MAPK8: variants seen among roughly 807,000 people sequenced by gnomAD.
MAPK8 encodes mitogen-activated protein kinase 8.
Under a neutral mutation model 52.9 loss-of-function variants are expected in MAPK8, and 13 were observed. The observed-to-expected ratio is 0.25, with a 90% CI of 0.16 to 0.39. The LOEUF (loss-of-function observed/expected upper bound fraction) is 0.39. Among genes scored for constraint, MAPK8 ranks in the 10% least tolerant of loss-of-function variants. The pLI is 1.00. For synonymous variants in MAPK8, 191 were observed against 169.8 expected (o/e 1.12, Z -0.97); for missense variants, 300 against 519.2 (o/e 0.58, Z 4.10).
chr10:48,400,991 C>T (rs2042131883), intron 1 of MAPK8, among the ~76,000 whole-genome samples: 1 of 152,116 alleles, frequency 6.6e-6, no homozygotes, highest in African/African-American at 2.4e-5. Context: ...TCTCTCTCTC[C>T]TTTCTGTTTT....
Position 48,409,874 on chromosome 10 carries a change from TATAG to T in MAPK8, c.253-1_255del. 1 of 1,596,618 alleles carries T rather than the reference TATAG, an allele frequency of 6.3e-7. No homozygotes were observed. Among genetic ancestry groups the T allele is most frequent in the Non-Finnish European group, 8.6e-7 (1 of 1,166,780 alleles). On this transcript the variant is annotated splice_acceptor_variant and splice_polypyrimidine_tract_variant and intron_variant, in intron 3 of 11. Coordinates refer to ENST00000374189, the MANE Select transcript of MAPK8 (RefSeq NM_001323329.2). LOFTEE classifies it high-confidence loss of function. The stretch of plus-strand genomic sequence containing the variant: ...AATTTTTCTGTCTCTCGACTTTTAT[TATAG>T]ATAATTGGCCTTTTGAATGTTTTCA...
chr10:48,345,781 G>C (rs1009292870), intron 1 of MAPK8, among the ~76,000 whole-genome samples: 2 of 152,152 alleles, frequency 1.3e-5, no homozygotes, highest in Non-Finnish European at 2.9e-5. Context: ...ATTTCAGAAT[G>C]GTGCAGAAAA....
At chr10:48,311,363 T>G (rs1276392589) in intron 1 of MAPK8, among the ~76,000 whole-genome samples, 5 of 152,208 alleles carry the variant, frequency 3.3e-5, no homozygotes, top group Admixed American at 2.0e-4. Context: ...TAATCTGAAT[T>G]GACTGAGATG....
At chr10:48,408,749 G>GTA (rs1564596432) in intron 3 of MAPK8, among the ~76,000 whole-genome samples, 1 of 152,156 alleles carries the variant, frequency 6.6e-6, no homozygotes, top group Non-Finnish European at 1.5e-5. Flanking sequence ...ACAAAATACT[G>GTA]TACACTGGGT....
At chr10:48,333,984 C>T (rs1019132057) in intron 1 of MAPK8, among the ~76,000 whole-genome samples, 1 of 151,886 alleles carries the variant, frequency 6.6e-6, no homozygotes, top group Non-Finnish European at 1.5e-5. Flanking sequence ...TGGATGGCTC[C>T]ACCCACCACC....
chr10:48,344,571 A>T lies in MAPK8; in HGVS notation c.-50+37750A>T, dbSNP rs573251010. Among the ~76,000 whole-genome samples the T allele has an allele frequency of 7.9e-5, 12 of 152,336 alleles. No individual in the cohort carries two copies. In the South Asian group the frequency reaches 8.3e-4, roughly 11 times the overall value. ...ACTGGCAGACTGTTTTCTTACCAGG[A>T]TCTCATTGTTGATATACTGCCTAGC... is the stretch of plus-strand genomic sequence containing the variant. On this transcript the variant is annotated intron_variant, in intron 1 of 11. Coordinates refer to ENST00000374189, the MANE Select transcript of MAPK8 (RefSeq NM_001323329.2).
rs1043811797 is a variant in MAPK8 at position 48,397,295 on chromosome 10, T to C, written c.-49-4317T>C. Among the ~76,000 whole-genome samples, 3 of 152,004 alleles carry C rather than the reference T, an allele frequency of 2.0e-5. No homozygotes were observed. In the East Asian group the frequency reaches 5.8e-4, roughly 29 times the overall value. ...TCCCAAATAGCTAGGACTATAGATG[T>C]GCACTACTACTGTGGCAGATTTTTT... is the stretch of plus-strand genomic sequence containing the variant. On this transcript the variant is annotated intron_variant, in intron 1 of 11. Transcript: ENST00000374189.
chr10:48,312,021 C>G (rs920640941), intron 1 of MAPK8, among the ~76,000 whole-genome samples: 1 of 152,160 alleles, frequency 6.6e-6, no homozygotes, highest in African/African-American at 2.4e-5. Flanking sequence ...ACATTTATGT[C>G]CTAACACAAG....
At chr10:48,367,862 G>A (rs1266221411) in intron 1 of MAPK8, among the ~76,000 whole-genome samples, 1 of 152,192 alleles carries the variant, frequency 6.6e-6, no homozygotes, top group Non-Finnish European at 1.5e-5. Context: ...AGGGGACAGA[G>A]GCATCAAGGC....
chr10:48,403,788 G>A (rs1178612992), intron 2 of MAPK8, among the ~76,000 whole-genome samples: 10 of 150,562 alleles, frequency 6.6e-5, no homozygotes, highest in South Asian at 2.1e-4. Context: ...TCACTCTGTC[G>A]CCCAGGCTAG....
At chr10:48,380,681 C>T (rs1393277626) in intron 1 of MAPK8, among the ~76,000 whole-genome samples, 1 of 152,174 alleles carries the variant, frequency 6.6e-6, no homozygotes, top group East Asian at 1.9e-4. Flanking sequence ...TGCAGTGAGC[C>T]AAGATCACGC....
chr10:48,372,432 A>G lies in MAPK8; in HGVS notation c.-49-29180A>G, dbSNP rs564690347. ...GGGTACTAACAAACTCCTCCAAGCT[A>G]AAGGAGCATATTCTAACCCAATGTA... is the stretch of plus-strand genomic sequence containing the variant. On this transcript the variant is annotated intron_variant, in intron 1 of 11. Coordinates refer to ENST00000374189, the MANE Select transcript of MAPK8 (RefSeq NM_001323329.2). Among the ~76,000 whole-genome samples, 233 of 152,226 alleles carry G rather than the reference A, an allele frequency of 1.5e-3. 1 individual carries two copies. The highest frequency in any genetic ancestry group is 5.4e-3 in the African/African-American group (224 of 41,544).
chr10:48,348,392 T>C (rs1485275401), intron 1 of MAPK8, among the ~76,000 whole-genome samples: 1 of 152,236 alleles, frequency 6.6e-6, no homozygotes, highest in African/African-American at 2.4e-5. Flanking sequence ...TTTAGTTTAA[T>C]TAGATCCCAT....
intron 1 of MAPK8, among the ~76,000 whole-genome samples, chr10:48,385,825 G>T (rs1331196813): frequency 6.6e-6 from 1 of 151,964 alleles, no homozygotes; most frequent in Non-Finnish European, 1.5e-5. Context: ...GCCCCATCTT[G>T]CTGAGCTTTT....
intron 1 of MAPK8, among the ~76,000 whole-genome samples, chr10:48,320,164 C>T (rs982363110): frequency 3.4e-5 from 5 of 145,060 alleles, no homozygotes; most frequent in African/African-American, 5.1e-5. Context: ...GATCCCCCAC[C>T]TTGGCCTCCC....
chr10:48,397,976 G>T (rs550304027), intron 1 of MAPK8, among the ~76,000 whole-genome samples: 1 of 152,084 alleles, frequency 6.6e-6, no homozygotes, highest in Non-Finnish European at 1.5e-5. Flanking sequence ...CACACACAGG[G>T]CATGTAAAAA....
At chr10:48,339,757 CCTT>C (rs1845055450) in intron 1 of MAPK8, among the ~76,000 whole-genome samples, 2 of 152,058 alleles carry the variant, frequency 1.3e-5, no homozygotes, top group Admixed American at 6.5e-5. Flanking sequence ...CATGAACAGA[CCTT>C]CTCAAAAGAA....
chr10:48,380,706 A>G (rs2040948626), intron 1 of MAPK8, among the ~76,000 whole-genome samples: 1 of 152,240 alleles, frequency 6.6e-6, no homozygotes, highest in South Asian at 2.1e-4. Flanking sequence ...GCGCTCCAGC[A>G]TGGGCGACAG....
chr10:48,351,595 G>A (rs1846335675), intron 1 of MAPK8, among the ~76,000 whole-genome samples: 2 of 151,872 alleles, frequency 1.3e-5, no homozygotes, highest in Non-Finnish European at 2.9e-5. Flanking sequence ...AAAAAAGGAA[G>A]TTTTCAGCAT....
Sources: gnomAD v4.1 joint callset for allele counts (sites outside exome capture counted in the v4.1 genomes callset) on GRCh38, gnomAD v4.1.1 for gene constraint, MANE v1.5 for transcripts, NCBI Gene and HGNC (gene_info 2026-07-23, HGNC 2026-07-21) for gene names.